SEC24B: variants seen among roughly 807,000 people sequenced by gnomAD.
SEC24B encodes the protein SEC24 homolog B, COPII component.
In SEC24B, 45 loss-of-function variants were observed where a neutral mutation model predicts 142.8. The ratio of observed to expected loss-of-function variants is 0.32; its 90% confidence interval spans 0.25 to 0.40. SEC24B has a LOEUF of 0.40. Ranked by LOEUF, SEC24B falls within the 10% of genes least tolerant of loss-of-function variation. The probability of loss-of-function intolerance (pLI) is 1.00; values close to 1 mark genes in which losing one functional copy is unlikely to be tolerated. For synonymous variants in SEC24B, 574 were observed against 568.2 expected, an observed-to-expected ratio of 1.01 and a Z score of -0.15; for missense variants, 1,409 against 1,526.8, an observed-to-expected ratio of 0.92 and a Z score of 1.29.
At chr4:109,509,872 A>G (rs1737137822) in intron 7 of SEC24B, 137 bp from the exon 8 acceptor site, 4 of 518,868 alleles carry the variant, frequency 7.7e-6, no homozygotes, top group Non-Finnish European at 1.4e-5. Context: ...ATTAATCAGG[A>G]CCTTCTTGCT....
intron 6 of SEC24B, among the ~76,000 whole-genome samples, chr4:109,503,277 G>A (rs1251008943): frequency 6.6e-6 from 1 of 150,928 alleles, no homozygotes; most frequent in East Asian, 1.9e-4. Flanking sequence ...TGGCTGGAGT[G>A]CAATGGCTCG....
In SEC24B at chr4:109,474,110, C is replaced by A. The variant is rs367676596; in HGVS notation, c.1060+924C>A. Among the ~76,000 whole-genome samples the A allele has an allele frequency of 2.0e-5, 3 of 152,176 alleles. No homozygotes were observed. In the East Asian group the frequency reaches 5.8e-4, roughly 29 times the overall value. On this transcript the variant is annotated intron_variant, in intron 3 of 23. Transcript: ENST00000265175. Reference sequence around the variant, plus strand: ...CTTTCTGTCAATTGATCAGATGATACATTACACATTTTCTTACTTGGTTTT... The same window carrying A: ...CTTTCTGTCAATTGATCAGATGATAAATTACACATTTTCTTACTTGGTTTT...
chr4:109,505,422 G>T (rs758506223), intron 6 of SEC24B, among the ~76,000 whole-genome samples: 1 of 151,936 alleles, frequency 6.6e-6, no homozygotes, highest in Non-Finnish European at 1.5e-5. Context: ...AAATAATGCT[G>T]TTACCATTAG....
At chr4:109,489,542 C>G (rs1734763015) in intron 4 of SEC24B, among the ~76,000 whole-genome samples, 1 of 142,408 alleles carries the variant, frequency 7.0e-6, no homozygotes, top group South Asian at 2.2e-4. Context: ...AAAGAAAATC[C>G]TACACTCAGT....
At chr4:109,495,024 G>A (rs1735395557) in intron 6 of SEC24B, among the ~76,000 whole-genome samples, 168 bp downstream of exon 6, 1 of 152,076 alleles carries the variant, frequency 6.6e-6, no homozygotes, top group Admixed American at 6.6e-5. Context: ...GTGTATATAT[G>A]TAGAAAAAGA....
intron 5 of SEC24B, 113 bp downstream of exon 5, chr4:109,491,520 A>G (rs1578885005): frequency 1.3e-6 from 1 of 756,082 alleles, no homozygotes; most frequent in Non-Finnish European, 2.1e-6. Flanking sequence ...TAACAAGAAA[A>G]AAAGGACATT....
At chr4:109,456,661 C>CT (rs2125920504) in intron 1 of SEC24B, among the ~76,000 whole-genome samples, 1 of 152,124 alleles carries the variant, frequency 6.6e-6, no homozygotes, top group African/African-American at 2.4e-5. Context: ...GATTATGTGG[C>CT]TTTTTCTTAA....
At chr4:109,525,285 T>G in intron 15 of SEC24B, 61 bp from the exon 16 acceptor site, 1 of 1,385,296 alleles carries the variant, frequency 7.2e-7, no homozygotes, top group Non-Finnish European at 9.7e-7. Flanking sequence ...TCTGTACTAC[T>G]GTTGGACAAG....
At chr4:109,466,562 C>A (rs1439420380) in intron 2 of SEC24B, among the ~76,000 whole-genome samples, 1 of 152,164 alleles carries the variant, frequency 6.6e-6, no homozygotes, top group African/African-American at 2.4e-5. Flanking sequence ...CGGCACCCGC[C>A]ACCACACCTG....
chr4:109,440,834 A>G (rs893534619), intron 1 of SEC24B, among the ~76,000 whole-genome samples: 1 of 152,094 alleles, frequency 6.6e-6, no homozygotes, highest in Non-Finnish European at 1.5e-5. Flanking sequence ...CCTATTCGTT[A>G]TTGCTTTTGA....
At chr4:109,468,637 G>A (rs1460918099) in intron 2 of SEC24B, among the ~76,000 whole-genome samples, 1 of 152,128 alleles carries the variant, frequency 6.6e-6, no homozygotes, top group Non-Finnish European at 1.5e-5. Context: ...ACCTAGATCA[G>A]GAAAACGAGC....
At chr4:109,443,143 C>T (rs1729091979) in intron 1 of SEC24B, among the ~76,000 whole-genome samples, 1 of 152,088 alleles carries the variant, frequency 6.6e-6, no homozygotes, top group Admixed American at 6.5e-5. Context: ...CCTCCCTTTC[C>T]AATGGTGACC....
chr4:109,445,651 C>T (rs1729384979), intron 1 of SEC24B, among the ~76,000 whole-genome samples: 2 of 151,854 alleles, frequency 1.3e-5, no homozygotes, highest in South Asian at 4.2e-4. Context: ...TCACTGCGGC[C>T]TCAATCTCCT....
chr4:109,457,718 A>C (rs2125922310), intron 1 of SEC24B, among the ~76,000 whole-genome samples: 2 of 152,218 alleles, frequency 1.3e-5, no homozygotes, highest in Middle Eastern at 6.8e-3. Flanking sequence ...TACTTGTCTC[A>C]CTGTTGGCAT....
At chr4:109,440,731 A>T (rs889664490) in intron 1 of SEC24B, among the ~76,000 whole-genome samples, 3 of 152,202 alleles carry the variant, frequency 2.0e-5, no homozygotes, top group African/African-American at 7.2e-5. Flanking sequence ...CGTTTTATAA[A>T]TTCTTCAGGT....
At chr4:109,525,300 ATAT>A (rs750376378) in intron 15 of SEC24B, 43 bp from the exon 16 acceptor site, 7 of 1,471,390 alleles carry the variant, frequency 4.8e-6, no homozygotes, top group Non-Finnish European at 5.5e-6. Context: ...GACAAGTAAA[ATAT>A]TATTATTTCT....
chr4:109,520,445 T>C lies in SEC24B; in HGVS notation c.2206T>C (p.Leu736=), dbSNP rs1179104439. 1.9e-6 allele frequency: 3 copies of C among 1,610,462 alleles called. No homozygotes were observed. Among genetic ancestry groups the C allele is most frequent in the Non-Finnish European group, 2.5e-6 (3 of 1,176,918 alleles). Residue 736 remains leucine, a synonymous_variant, in exon 12 of 24, where the codon TTA becomes CTA. Coordinates refer to ENST00000265175, the MANE Select transcript of SEC24B (RefSeq NM_006323.5). ...TCATTTCTACAATTTACAAGAAGGA[T>C]TATCACAGCCTCAAATGTTGATTGT... ...TIHFYNLQEG[L]SQPQMLIVSD...
rs558278918 is a variant in SEC24B at position 109,485,973 on chromosome 4, A to C, written c.1165+4192A>C. On this transcript the variant is annotated intron_variant, in intron 4 of 23. Transcript: ENST00000265175. ...ACTGGGTTAGCAGTGTTAAGTGTTG[A>C]GGAAAGTTTGGCTGAAAGCTGAGGA... is the stretch of plus-strand genomic sequence containing the variant. 6.1e-4 allele frequency among the ~76,000 whole-genome samples: 93 copies of C among 152,328 alleles called. 2 individuals carry two copies. In the South Asian group the frequency reaches 6.2e-3, roughly 10 times the overall value.
At chr4:109,447,736 A>G (rs1729614754) in intron 1 of SEC24B, among the ~76,000 whole-genome samples, 2 of 151,888 alleles carry the variant, frequency 1.3e-5, no homozygotes, top group Admixed American at 1.3e-4. Context: ...CAGAGGTCAG[A>G]TGATGGAGAG....
Sources: allele counts gnomAD v4.1 joint callset (sites outside exome capture counted in the v4.1 genomes callset), GRCh38; gene constraint gnomAD v4.1.1; transcripts MANE v1.5; gene names NCBI Gene and HGNC (gene_info 2026-07-23, HGNC 2026-07-21).